The following RASSF6 variants were observed in gnomAD, a reference collection of about 807,000 sequenced individuals.
RASSF6 encodes the protein ras association domain-containing protein 6.
Under a neutral mutation model 44.0 loss-of-function variants are expected in RASSF6, and 52 were observed. The observed-to-expected ratio is 1.18, with a 90% CI of 0.95 to 1.49. The LOEUF (loss-of-function observed/expected upper bound fraction) is 1.49. Ranked by LOEUF, RASSF6 falls within the 40% of genes most tolerant of loss-of-function variation. The probability of loss-of-function intolerance (pLI) is 0.00; values close to 1 mark genes in which losing one functional copy is unlikely to be tolerated. For synonymous variants in RASSF6, 162 were observed against 124.6 expected, an observed-to-expected ratio of 1.30 and a Z score of -2.00; for missense variants, 464 against 393.3, an observed-to-expected ratio of 1.18 and a Z score of -1.52.
intron 8 of RASSF6, among the ~76,000 whole-genome samples, chr4:73,581,407 C>G (rs1560439809): frequency 6.6e-6 from 1 of 152,204 alleles, no homozygotes; most frequent in East Asian, 1.9e-4. Flanking sequence ...GTGTCAGACC[C>G]TGTGCTAAAA....
chr4:73,587,839 C>A lies in RASSF6; in HGVS notation c.382+1G>T. The A allele has an allele frequency of 6.3e-7, 1 of 1,593,844 alleles. No individual in the cohort carries two copies. Among genetic ancestry groups the A allele is most frequent in the East Asian group, 2.2e-5 (1 of 44,666 alleles). ...CCAATCAATAAGATTTTGATACTGA[C>A]CTTCCTGGGAATTCCTTTTTTCAGA... On this transcript the variant is annotated splice_donor_variant, in intron 5 of 10. Transcript: ENST00000307439. LOFTEE classifies it high-confidence loss of function.
At chr4:73,610,915 A>T (rs1336943637) in intron 2 of RASSF6, among the ~76,000 whole-genome samples, 1 of 152,190 alleles carries the variant, frequency 6.6e-6, no homozygotes. Context: ...TTTGAGGAAT[A>T]AGTCAGTGGA....
chr4:73,602,573 A>AT (rs1421758587), intron 2 of RASSF6, among the ~76,000 whole-genome samples: 7 of 71,596 alleles, frequency 9.8e-5, no homozygotes, highest in African/African-American at 2.7e-4. Context: ...ATTTTAACAG[A>AT]TTTTTTTAGG....
intron 2 of RASSF6, among the ~76,000 whole-genome samples, chr4:73,601,310 T>C (rs1313230701): frequency 1.3e-5 from 2 of 152,180 alleles, no homozygotes; most frequent in East Asian, 1.9e-4. Context: ...ATTTGTCTGC[T>C]CATTGTCTAT....
At chr4:73,595,103 T>C (rs959381668) in intron 3 of RASSF6, among the ~76,000 whole-genome samples, 4 of 152,204 alleles carry the variant, frequency 2.6e-5, no homozygotes, top group Admixed American at 2.0e-4. Flanking sequence ...TGTGTAAAGA[T>C]TGAAAAGTCT....
chr4:73,608,859 G>A (rs1725823572), intron 2 of RASSF6, among the ~76,000 whole-genome samples: 1 of 152,196 alleles, frequency 6.6e-6, no homozygotes, highest in Admixed American at 6.5e-5. Context: ...CCTTCTGGCT[G>A]TACTGGCCAG....
At chr4:73,613,987 T>C (rs1234841669) in intron 1 of RASSF6, among the ~76,000 whole-genome samples, 2 of 152,220 alleles carry the variant, frequency 1.3e-5, no homozygotes, top group Non-Finnish European at 2.9e-5. Flanking sequence ...CTTAGATGTG[T>C]ACCAGGCATC....
intron 7 of RASSF6, 63 bp from the exon 8 acceptor site, chr4:73,581,931 A>C: frequency 1.6e-6 from 2 of 1,242,760 alleles, no homozygotes; most frequent in Non-Finnish European, 2.3e-6. Context: ...TTCTAACCTG[A>C]CCAGACCCAA....
At chr4:73,586,696 A>C (rs752773369) in intron 5 of RASSF6, among the ~76,000 whole-genome samples, 30 of 152,138 alleles carry the variant, frequency 2.0e-4, no homozygotes, top group Non-Finnish European at 3.2e-4. Flanking sequence ...CTGTTTAAAT[A>C]CAAATATATT....
intron 2 of RASSF6, among the ~76,000 whole-genome samples, chr4:73,601,893 T>C (rs1368113581): frequency 6.6e-6 from 1 of 152,208 alleles, no homozygotes; most frequent in Non-Finnish European, 1.5e-5. Context: ...CAGAAGGTCA[T>C]TTATTGAACA....
At chr4:73,618,301 T>TTATCTGTCTATCTATC (rs1553906730) in intron 1 of RASSF6, among the ~76,000 whole-genome samples, 2 of 150,216 alleles carry the variant, frequency 1.3e-5, no homozygotes, top group African/African-American at 4.9e-5. Flanking sequence ...TATAAAGTTG[T>TTATCTGTCTATCTATC]TATCTATCTA....
At chr4:73,593,328 T>C (rs1160868321) in intron 4 of RASSF6, 123 bp downstream of exon 4, 1 of 1,009,608 alleles carries the variant, frequency 9.9e-7, no homozygotes, top group Non-Finnish European at 1.4e-6. Flanking sequence ...TGCTGGGAAA[T>C]TAAATGAGAT....
intron 4 of RASSF6, among the ~76,000 whole-genome samples, chr4:73,591,037 TTG>T (rs1724511476): frequency 6.6e-6 from 1 of 152,166 alleles, no homozygotes; most frequent in Non-Finnish European, 1.5e-5. Flanking sequence ...AAATTCAGAA[TTG>T]CTAGGAACAA....
chr4:73,614,166 C>A (rs377697153), intron 1 of RASSF6, among the ~76,000 whole-genome samples: 35 of 152,254 alleles, frequency 2.3e-4, no homozygotes, highest in African/African-American at 8.2e-4. Flanking sequence ...TTCACTGTAC[C>A]ACTAACATAT....
intron 2 of RASSF6, 123 bp downstream of exon 2, chr4:73,611,608 A>C: frequency 1.9e-6 from 1 of 536,338 alleles, no homozygotes; most frequent in South Asian, 3.6e-5. Context: ...CTTATCTAGT[A>C]TCTCTACTGA....
At chr4:73,614,081 G>A (rs182754806) in intron 1 of RASSF6, among the ~76,000 whole-genome samples, 4 of 152,200 alleles carry the variant, frequency 2.6e-5, no homozygotes, top group Admixed American at 2.6e-4. Flanking sequence ...TCCCATCTAG[G>A]CATCAAAACT....
chr4:73,585,468 T>C (rs1241651299), intron 5 of RASSF6, 104 bp from the exon 6 acceptor site: 13 of 739,710 alleles, frequency 1.8e-5, no homozygotes, highest in East Asian at 8.4e-5. Context: ...ATTGCTATTT[T>C]CTGGCTGTGT....
intron 5 of RASSF6, among the ~76,000 whole-genome samples, chr4:73,586,406 T>C (rs1724096424): frequency 6.6e-6 from 1 of 152,002 alleles, no homozygotes; most frequent in Non-Finnish European, 1.5e-5. Context: ...CTCTAGTATC[T>C]ATTGAGTAGG....
intron 2 of RASSF6, among the ~76,000 whole-genome samples, chr4:73,602,983 G>T (rs1196307259): frequency 6.6e-6 from 1 of 152,108 alleles, no homozygotes; most frequent in African/African-American, 2.4e-5. Context: ...AGCTACTCAG[G>T]AGGCTGAGGC....
Sources: gnomAD v4.1 joint callset for allele counts (sites outside exome capture counted in the v4.1 genomes callset) on GRCh38, gnomAD v4.1.1 for gene constraint, MANE v1.5 for transcripts, NCBI Gene and HGNC (gene_info 2026-07-23, HGNC 2026-07-21) for gene names.